DOCK3: variants seen among roughly 807,000 people sequenced by gnomAD.
The protein encoded by DOCK3 is dedicator of cytokinesis 3, also known as dedicator of cytokinesis protein 3.
Under a neutral mutation model 265.6 loss-of-function variants are expected in DOCK3, and 60 were observed. The ratio of observed to expected loss-of-function variants is 0.23; its 90% CI spans 0.18 to 0.28. DOCK3 has a LOEUF of 0.28. Ranked by LOEUF, DOCK3 falls within the 10% of genes least tolerant of loss-of-function variation. The probability of loss-of-function intolerance (pLI) is 1.00; values close to 1 mark genes in which losing one functional copy is unlikely to be tolerated. For synonymous variants in DOCK3, 881 were observed against 938.0 expected (o/e 0.94, Z 1.11); for missense variants, 1,981 against 2,594.3 (o/e 0.76, Z 5.14).
intron 1 of DOCK3, among the ~76,000 whole-genome samples, chr3:50,703,740 A>G (rs1430082914): frequency 6.7e-6 from 1 of 150,104 alleles, no homozygotes; most frequent in African/African-American, 2.4e-5. Context: ...GATTTTGTTT[A>G]TCTTTTTAAG....
At position 51,090,239 on chromosome 3, in the gene DOCK3, A is replaced by G. The variant is rs1191299928; in HGVS notation, c.601A>G (p.Met201Val). The G allele has an allele frequency of 6.9e-6, 11 of 1,586,298 alleles. No individual in the cohort carries two copies. Among genetic ancestry groups the G allele is most frequent in the African/African-American group, 4.0e-5 (3 of 74,246 alleles). Residue 201 changes from methionine (M) to valine (V), a missense_variant, in exon 9 of 53, where the codon ATG becomes GTG. Physicochemically the swap from Met to Val is conservative, Grantham distance 21. Around this residue, in one of 4 missense-constraint regions of DOCK3, gnomAD observed 456 missense variants for 539.0 expected, o/e 0.85. Transcript: ENST00000266037. ...VQQSTSQVDT[M>V]RPRHGETCRM... ...TTTTCTTCCTCATTAGGTAGATACA[A>G]TGCGCCCACGTCATGGGGAAACATG...
At chr3:51,095,283 T>C (rs2082798260) in intron 9 of DOCK3, among the ~76,000 whole-genome samples, 1 of 152,218 alleles carries the variant, frequency 6.6e-6, no homozygotes, top group South Asian at 2.1e-4. Flanking sequence ...GGTATGTTTT[T>C]GCAGTGGCTG....
chr3:51,071,504 C>G (rs1005268563), intron 6 of DOCK3, among the ~76,000 whole-genome samples: 3 of 152,122 alleles, frequency 2.0e-5, no homozygotes, highest in African/African-American at 7.2e-5. Context: ...ATCACAATCC[C>G]TATAACTCTA....
intron 9 of DOCK3, among the ~76,000 whole-genome samples, chr3:51,124,400 T>G (rs2084169853): frequency 6.6e-6 from 1 of 152,010 alleles, no homozygotes; most frequent in Admixed American, 6.6e-5. Flanking sequence ...TGTGACTGAG[T>G]CTTTAACTTT....
chr3:50,999,147 C>T (rs1237249060), intron 5 of DOCK3, among the ~76,000 whole-genome samples: 1 of 152,094 alleles, frequency 6.6e-6, no homozygotes, highest in African/African-American at 2.4e-5. Flanking sequence ...GAAATAATGC[C>T]ACAAATGCAT....
chr3:50,986,556 G>C (rs1361193660), intron 5 of DOCK3, among the ~76,000 whole-genome samples: 2 of 152,182 alleles, frequency 1.3e-5, no homozygotes, highest in Non-Finnish European at 2.9e-5. Flanking sequence ...TACTAGAATA[G>C]CTTTGGAAAT....
At position 50,869,510 on chromosome 3, in the gene DOCK3, A is replaced by G. The variant is rs368110859; in HGVS notation, c.163-20516A>G. ...CTCAGCCTCCCGAGTAGCTGGGACC[A>G]CAGGTATGTGCTGCCATGCCCAGCT... On this transcript the variant is annotated intron_variant, in intron 3 of 52. Transcript: ENST00000266037. 2.6e-5 allele frequency among the ~76,000 whole-genome samples: 4 copies of G among 151,102 alleles called. No individual in the cohort carries two copies. In the South Asian group the frequency reaches 8.5e-4, roughly 32 times the overall value.
At chr3:51,096,725 G>A (rs566121614) in intron 9 of DOCK3, among the ~76,000 whole-genome samples, 7 of 152,166 alleles carry the variant, frequency 4.6e-5, no homozygotes, top group Admixed American at 3.3e-4. Flanking sequence ...GAGGCGTTCC[G>A]GTTTTTGGAA....
At chr3:51,369,745 G>A (rs960452886) in intron 49 of DOCK3, among the ~76,000 whole-genome samples, 1 of 152,028 alleles carries the variant, frequency 6.6e-6, no homozygotes, top group African/African-American at 2.4e-5. Context: ...GTGACCACCT[G>A]GGAAAAGCCT....
chr3:51,314,426 T>A (rs2083255050), intron 31 of DOCK3, among the ~76,000 whole-genome samples: 1 of 152,168 alleles, frequency 6.6e-6, no homozygotes, highest in South Asian at 2.1e-4. Context: ...TGCAGGAGAC[T>A]CCTGCTAGCT....
rs1241199745 is a variant in DOCK3 at position 51,068,557 on chromosome 3, A to AG, written c.464+3961_464+3962insG. 4.2e-4 allele frequency among the ~76,000 whole-genome samples: 9 copies of AG among 21,512 alleles called. 1 individual carries two copies. The highest frequency in any genetic ancestry group is 8.8e-4 in the African/African-American group (9 of 10,204). The allele number at this position is 21,512 out of a possible 152,430, so 14.1% of individuals were successfully genotyped here. ...TCCGTCTGAAAAAAAAAAAAAAAAA[A>AG]AAAAAGAAGAAGAAGAAATGCTGCT... On this transcript the variant is annotated intron_variant, in intron 6 of 52. Transcript: ENST00000266037.
chr3:51,265,163 A>G (rs1010243440), intron 23 of DOCK3, among the ~76,000 whole-genome samples: 6 of 152,188 alleles, frequency 3.9e-5, no homozygotes, highest in Non-Finnish European at 5.9e-5. Flanking sequence ...AAGAAGTTGA[A>G]CCCCTGAATA....
intron 5 of DOCK3, among the ~76,000 whole-genome samples, chr3:51,014,044 G>T (rs566157773): frequency 6.6e-6 from 1 of 152,162 alleles, no homozygotes; most frequent in Non-Finnish European, 1.5e-5. Flanking sequence ...AGGTGGCAGT[G>T]TCCCGATTTT....
intron 5 of DOCK3, among the ~76,000 whole-genome samples, chr3:51,004,673 C>G (rs958286602): frequency 6.7e-6 from 1 of 148,806 alleles, no homozygotes; most frequent in Non-Finnish European, 1.5e-5. Context: ...TTTCTCTCCC[C>G]TTTCTACTGT....
chr3:51,208,223 C>T (rs903066021), intron 12 of DOCK3, among the ~76,000 whole-genome samples: 4 of 152,224 alleles, frequency 2.6e-5, no homozygotes, highest in African/African-American at 9.6e-5. Flanking sequence ...CAGAAGACTT[C>T]ATGGTAAATC....
rs554135394 is a variant in DOCK3, at chr3:50,871,233, A to G, written c.163-18793A>G. 2.0e-5 allele frequency among the ~76,000 whole-genome samples: 3 copies of G among 151,744 alleles called. No homozygotes were observed. In the South Asian group the frequency reaches 6.2e-4, roughly 32 times the overall value. ...ATCCCTCTGCTTTTGTTTATCTGGG[A>G]AAGTCTTTATTTCTCCTTCATGTTT... On this transcript the variant is annotated intron_variant, in intron 3 of 52. Transcript: ENST00000266037.
At chr3:50,849,102 A>C (rs1022008073) in intron 3 of DOCK3, among the ~76,000 whole-genome samples, 2 of 151,928 alleles carry the variant, frequency 1.3e-5, no homozygotes, top group Admixed American at 1.3e-4. Flanking sequence ...TGGTGTGATC[A>C]TGGTTTACTG....
At chr3:50,697,532 A>G (rs1279533874) in intron 1 of DOCK3, among the ~76,000 whole-genome samples, 2 of 152,200 alleles carry the variant, frequency 1.3e-5, no homozygotes, top group African/African-American at 4.8e-5. Flanking sequence ...CGGAGGTTGC[A>G]GTGAGCCGAG....
intron 1 of DOCK3, among the ~76,000 whole-genome samples, chr3:50,748,003 G>A (rs1228896069): frequency 6.6e-6 from 1 of 152,140 alleles, no homozygotes; most frequent in Non-Finnish European, 1.5e-5. Flanking sequence ...GTTTTTGGTA[G>A]ATTCCATTTG....
Sources: allele counts gnomAD v4.1 joint callset (sites outside exome capture counted in the v4.1 genomes callset), GRCh38; gene constraint gnomAD v4.1.1; regional missense constraint gnomAD v4.1.1; transcripts MANE v1.5; gene names NCBI Gene and HGNC (gene_info 2026-07-23, HGNC 2026-07-21).